Variants in MEGF11 observed in about 807,000 individuals in gnomAD.
The protein encoded by MEGF11 is multiple epidermal growth factor-like domains protein 11.
In MEGF11, 126 loss-of-function variants were observed where a neutral mutation model predicts 146.6. The observed-to-expected ratio is 0.86, with a 90% CI of 0.74 to 1.00. The LOEUF is 1.00. Ranked by LOEUF, MEGF11 falls within the 50% of genes least tolerant of loss-of-function variation. MEGF11 has a pLI of 0.00. For synonymous variants in MEGF11, 532 were observed against 583.4 expected (o/e 0.91, Z 1.27); for missense variants, 1,509 against 1,521.2 (o/e 0.99, Z 0.13).
intron 5 of MEGF11, among the ~76,000 whole-genome samples, chr15:66,081,579 A>G (rs1374043772): frequency 6.6e-6 from 1 of 152,106 alleles, no homozygotes; most frequent in Non-Finnish European, 1.5e-5. Flanking sequence ...GGGTTTCACC[A>G]TGTTGGCCAG....
At chr15:65,960,897 T>A (rs1167373211) in intron 9 of MEGF11, among the ~76,000 whole-genome samples, 5 of 152,216 alleles carry the variant, frequency 3.3e-5, no homozygotes, top group African/African-American at 1.2e-4. Flanking sequence ...TGTTAGGCAC[T>A]AATTTTACTC....
In MEGF11 at chr15:66,015,829, A is replaced by G. The variant is rs2082866469; in HGVS notation, c.395-33341T>C. On this transcript the variant is annotated intron_variant, in intron 5 of 25. Transcript: ENST00000395614. ...CACAGCCTGAGAGGACGATGAGAAGATTCCACCTTTCCCAGCCCTGAATCT... is the reference window on the plus strand; with the variant it reads ...CACAGCCTGAGAGGACGATGAGAAGGTTCCACCTTTCCCAGCCCTGAATCT... Among the ~76,000 whole-genome samples, 4 of 139,318 alleles carry G rather than the reference A, an allele frequency of 2.9e-5. No individual in the cohort carries two copies. In the South Asian group the frequency reaches 8.8e-4, roughly 31 times the overall value. The allele number at this position is 139,318 out of a possible 152,430, so 91.4% of individuals were successfully genotyped here. A position where few individuals can be genotyped will look rare whatever the true frequency, so the allele number is the denominator to read the frequency against.
Position 66,119,165 on chromosome 15 carries a change from A to C in MEGF11, c.222T>G (p.Tyr74Ter), listed in dbSNP as rs1417268341. Residue 74 changes from tyrosine to a stop codon, truncating the protein, a stop_gained, in exon 4 of 26, where the codon TAT (tyrosine) becomes TAG (stop). Transcript: ENST00000395614. LOFTEE classifies it high-confidence loss of function. ...GGTACATGGTCCGGAGGCCTCTCCGATACGCCGTCTTATAACTGATCCTAA... is the reference window on the plus strand; with the variant it reads ...GGTACATGGTCCGGAGGCCTCTCCGCTACGCCGTCTTATAACTGATCCTAA... Reference protein sequence around the residue: ...TRHRISYKTAYRRGLRTMYRR... With the variant: ...TRHRISYKTA 6.4e-7 allele frequency: 1 copy of C among 1,551,482 alleles called. No homozygotes were observed. Among genetic ancestry groups the C allele is most frequent in the Non-Finnish European group, 8.7e-7 (1 of 1,147,000 alleles).
intron 9 of MEGF11, 55 bp from the exon 10 acceptor site, chr15:65,957,776 C>T (rs745455378): frequency 5.0e-5 from 78 of 1,571,648 alleles, no homozygotes; most frequent in Non-Finnish European, 6.5e-5. Flanking sequence ...GCAGCCATGT[C>T]CCCGCCCTCT....
rs145333107 is a variant in MEGF11 at position 65,980,849 on chromosome 15, G to T, written c.691C>A (p.Arg231Ser). ...PGSHGAHCEL[R>S]CPCQNGGTCH... ...GTGCCCCCATTCTGACAGGGGCAGCGCAGCTCACAGTGAGCTCCATGGCTC... is the reference window on the plus strand; with the variant it reads ...GTGCCCCCATTCTGACAGGGGCAGCTCAGCTCACAGTGAGCTCCATGGCTC... The change falls in exon 7 of 26, where the codon CGC becomes AGC. Residue 231 changes from arginine (R) to serine (S), a missense_variant. By Grantham distance (110) the Arg-to-Ser change is moderately radical. Transcript: ENST00000395614. 4.1e-4 allele frequency: 654 copies of T among 1,596,792 alleles called. 1 individual carries two copies. The highest frequency in any genetic ancestry group is 8.3e-4 in the Middle Eastern group (5 of 6,024).
intron 12 of MEGF11, 116 bp from the exon 13 acceptor site, chr15:65,928,643 A>G (rs2079460255): frequency 1.7e-6 from 1 of 594,434 alleles, no homozygotes; most frequent in Non-Finnish European, 2.8e-6. Flanking sequence ...GATCTACTGG[A>G]TCTTGATGAC....
intron 7 of MEGF11, among the ~76,000 whole-genome samples, chr15:65,974,931 C>T (rs1400663424): frequency 6.6e-6 from 1 of 152,046 alleles, no homozygotes; most frequent in Admixed American, 6.5e-5. Context: ...TGGCAACCTC[C>T]ACCTCCTGAG....
chr15:66,089,121 T>C (rs944633513), intron 5 of MEGF11, among the ~76,000 whole-genome samples: 1 of 152,238 alleles, frequency 6.6e-6, no homozygotes, highest in African/African-American at 2.4e-5. Flanking sequence ...CTGGTTAACA[T>C]TCTATTTTAA....
Position 65,962,963 on chromosome 15 carries a change from G to A in MEGF11, c.1112+1945C>T, listed in dbSNP as rs959979291. Among the ~76,000 whole-genome samples, 11 of 152,366 alleles carry A rather than the reference G, an allele frequency of 7.2e-5. No homozygotes were observed. In the East Asian group the frequency reaches 2.1e-3, roughly 29 times the overall value. ...ATGGGCTGAGATTAGCGGGAGAGAA[G>A]AGGGGGAGTCCTTTCAGATTAATAA... is the stretch of plus-strand genomic sequence containing the variant. On this transcript the variant is annotated intron_variant, in intron 9 of 25. Coordinates refer to ENST00000395614, the MANE Select transcript of MEGF11 (RefSeq NM_001385028.1).
At chr15:66,190,900 A>C (rs1300169971) in intron 1 of MEGF11, among the ~76,000 whole-genome samples, 1 of 152,210 alleles carries the variant, frequency 6.6e-6, no homozygotes, top group Non-Finnish European at 1.5e-5. Flanking sequence ...AGCAGGTGAG[A>C]TAAAATAAAT....
At chr15:65,950,626 CAA>C (rs1315830696) in intron 10 of MEGF11, among the ~76,000 whole-genome samples, 132 of 127,092 alleles carry the variant, frequency 1.0e-3, no homozygotes, top group African/African-American at 3.8e-3. Context: ...CACACACACA[CAA>C]AAGGAAATAA....
intron 5 of MEGF11, among the ~76,000 whole-genome samples, chr15:66,058,368 T>A (rs1012607410): frequency 4.6e-5 from 7 of 152,150 alleles, no homozygotes; most frequent in African/African-American, 1.7e-4. Context: ...CTAACACACT[T>A]CTTCAAGAAG....
At chr15:66,137,710 C>T (rs559308120) in intron 1 of MEGF11, among the ~76,000 whole-genome samples, 32 of 152,000 alleles carry the variant, frequency 2.1e-4, no homozygotes, top group African/African-American at 6.3e-4. Context: ...CACACTACGA[C>T]ACCTGGCTTT....
intron 23 of MEGF11, 82 bp from the exon 24 acceptor site, chr15:65,906,223 CT>C (rs570272729): frequency 4.2e-5 from 43 of 1,032,932 alleles, no homozygotes; most frequent in East Asian, 1.0e-4. Flanking sequence ...TCTTTTCTTG[CT>C]TTTCCCCCCC....
chr15:66,146,745 G>T (rs1460968047), intron 1 of MEGF11, among the ~76,000 whole-genome samples: 1 of 152,258 alleles, frequency 6.6e-6, no homozygotes, highest in Non-Finnish European at 1.5e-5. Flanking sequence ...TCAGTCCACG[G>T]AGGCACACGC....
intron 21 of MEGF11, among the ~76,000 whole-genome samples, chr15:65,911,451 C>T (rs749864981): frequency 8.5e-5 from 13 of 152,276 alleles, no homozygotes; most frequent in South Asian, 2.1e-4. Context: ...CTTGCTCTGT[C>T]GTCAGGCTGG....
chr15:66,095,252 CTTTCTT>C (rs2086493005), intron 4 of MEGF11, among the ~76,000 whole-genome samples: 2 of 152,178 alleles, frequency 1.3e-5, no homozygotes, highest in Admixed American at 6.5e-5. Flanking sequence ...TTATTTTTCT[CTTTCTT>C]TGACAGAATC....
intron 4 of MEGF11, among the ~76,000 whole-genome samples, chr15:66,107,723 A>T (rs2087162815): frequency 6.6e-6 from 1 of 151,908 alleles, no homozygotes. Flanking sequence ...GCCACCCTCC[A>T]CTCTGGACTC....
intron 1 of MEGF11, among the ~76,000 whole-genome samples, chr15:66,190,490 G>T (rs2090839977): frequency 6.6e-6 from 1 of 152,204 alleles, no homozygotes; most frequent in South Asian, 2.1e-4. Context: ...GGAGGAGGGG[G>T]CAGGGGCCTT....
Sources: allele counts gnomAD v4.1 joint callset (sites outside exome capture counted in the v4.1 genomes callset), GRCh38; gene constraint gnomAD v4.1.1; transcripts MANE v1.5; gene names NCBI Gene and HGNC (gene_info 2026-07-23, HGNC 2026-07-21).